Variants in PPP1R12A observed in about 807,000 individuals in gnomAD.
PPP1R12A encodes myosin binding subunit.
Under a neutral mutation model 139.6 loss-of-function variants are expected in PPP1R12A, and 19 were observed. The observed-to-expected ratio is 0.14, with a 90% CI of 0.09 to 0.20. The LOEUF is 0.20. Among genes scored for constraint, PPP1R12A ranks in the 10% least tolerant of loss-of-function variants. The probability of loss-of-function intolerance (pLI) is 1.00; values close to 1 mark genes in which losing one functional copy is unlikely to be tolerated. For synonymous variants in PPP1R12A, 427 were observed against 420.6 expected (o/e 1.02, Z -0.19); for missense variants, 925 against 1,211.5 (o/e 0.76, Z 3.51).
intron 1 of PPP1R12A, among the ~76,000 whole-genome samples, chr12:79,883,303 C>A (rs1184610211): frequency 2.6e-5 from 4 of 152,042 alleles, no homozygotes; most frequent in African/African-American, 7.2e-5. Context: ...TGCTACATTA[C>A]ATTTAATAGA....
rs544939340 is a variant in PPP1R12A at position 79,895,633 on chromosome 12, A to C, written c.238-22695T>G. ...AGAGAACAGACTGTATACATAAGAC[A>C]TAAAGGTATACCCCAAGCCTCTATT... On this transcript the variant is annotated intron_variant, in intron 1 of 24. Coordinates refer to ENST00000450142, the MANE Select transcript of PPP1R12A (RefSeq NM_002480.3). Among the ~76,000 whole-genome samples, 760 of 152,288 alleles carry C rather than the reference A, an allele frequency of 5.0e-3. 3 individuals carry two copies. Among genetic ancestry groups the C allele is most frequent in the Non-Finnish European group, 8.3e-3 (566 of 67,988 alleles).
chr12:79,781,648 A>C (rs2136973069), intron 23 of PPP1R12A, among the ~76,000 whole-genome samples, 167 bp downstream of exon 23: 1 of 152,154 alleles, frequency 6.6e-6, no homozygotes, highest in East Asian at 1.9e-4. Flanking sequence ...ACCTAGAGAA[A>C]CCCCATAGAA....
intron 4 of PPP1R12A, among the ~76,000 whole-genome samples, chr12:79,830,619 A>G (rs1877305493): frequency 6.6e-6 from 1 of 152,194 alleles, no homozygotes; most frequent in Admixed American, 6.5e-5. Context: ...CAGGATGTCA[A>G]ATGTTTTGAT....
chr12:79,797,837 G>C (rs1193562690), intron 15 of PPP1R12A, among the ~76,000 whole-genome samples: 4 of 152,108 alleles, frequency 2.6e-5, no homozygotes, highest in African/African-American at 9.7e-5. Flanking sequence ...AAAGTATAAA[G>C]ACAGAAAAAG....
chr12:79,921,031 T>C (rs924458207), intron 1 of PPP1R12A, among the ~76,000 whole-genome samples: 29 of 152,244 alleles, frequency 1.9e-4, no homozygotes, highest in Non-Finnish European at 4.3e-4. Flanking sequence ...AATGGCTAAT[T>C]TCATTTTACT....
At chr12:79,803,859 T>A (rs889795127) in intron 14 of PPP1R12A, among the ~76,000 whole-genome samples, 9 of 152,072 alleles carry the variant, frequency 5.9e-5, no homozygotes, top group Non-Finnish European at 1.3e-4. Context: ...TAAAACTAAT[T>A]AGGACTAATT....
intron 8 of PPP1R12A, among the ~76,000 whole-genome samples, chr12:79,818,400 C>T (rs769693170): frequency 6.6e-5 from 10 of 152,068 alleles, no homozygotes; most frequent in Non-Finnish European, 1.5e-4. Flanking sequence ...CGCTACCACA[C>T]CTACTAATTG....
intron 14 of PPP1R12A, among the ~76,000 whole-genome samples, chr12:79,800,823 T>A (rs1008496878): frequency 6.6e-5 from 10 of 150,928 alleles, no homozygotes; most frequent in African/African-American, 2.2e-4. Context: ...AAGCTTTGCC[T>A]CCTGGGTTCA....
chr12:79,928,934 T>C (rs946894197), intron 1 of PPP1R12A, among the ~76,000 whole-genome samples: 1 of 152,232 alleles, frequency 6.6e-6, no homozygotes, highest in Non-Finnish European at 1.5e-5. Flanking sequence ...TTTTGGAAAG[T>C]AAAAGAAAAA....
intron 1 of PPP1R12A, among the ~76,000 whole-genome samples, chr12:79,890,668 CA>C (rs1199788702): frequency 3.3e-5 from 5 of 152,066 alleles, no homozygotes; most frequent in African/African-American, 9.7e-5. Flanking sequence ...TAGTTACGGA[CA>C]ATCAACATTA....
chr12:79,917,208 C>T (rs566800213), intron 1 of PPP1R12A, among the ~76,000 whole-genome samples: 5 of 151,996 alleles, frequency 3.3e-5, no homozygotes, highest in African/African-American at 4.8e-5. Context: ...GAGTTTAGGC[C>T]GGGCACAGTG....
chr12:79,900,709 C>T lies in PPP1R12A; in HGVS notation c.238-27771G>A, dbSNP rs577046644. 5.9e-5 allele frequency among the ~76,000 whole-genome samples: 9 copies of T among 152,166 alleles called. No individual in the cohort carries two copies. In the South Asian group the frequency reaches 1.0e-3, roughly 18 times the overall value. On this transcript the variant is annotated intron_variant, in intron 1 of 24. Transcript: ENST00000450142. ...ACATGACTTTGGGGTGTATACACAA[C>T]GAATTTTAAGAGGAGAAGGCTCCTA...
At chr12:79,797,515 T>C (rs1344664328) in intron 15 of PPP1R12A, 120 bp from the exon 16 acceptor site, 2 of 1,012,626 alleles carry the variant, frequency 2.0e-6, no homozygotes, top group South Asian at 1.8e-5. Flanking sequence ...ATGTTTAAAA[T>C]TGGTTTGCAA....
At chr12:79,934,547 C>G (rs1272483718) in intron 1 of PPP1R12A, 148 bp downstream of exon 1, 4 of 737,586 alleles carry the variant, frequency 5.4e-6, no homozygotes, top group South Asian at 4.0e-5. Context: ...CTCTCCCTCC[C>G]GCCCTCTGGG....
intron 22 of PPP1R12A, chr12:79,782,135 G>A (rs992341559): frequency 1.6e-5 from 4 of 249,024 alleles, no homozygotes; most frequent in Admixed American, 5.3e-5. Context: ...GAGGGTGAGT[G>A]AGTATGTGGA....
chr12:79,850,992 T>G (rs1879978757), intron 2 of PPP1R12A, among the ~76,000 whole-genome samples: 1 of 152,224 alleles, frequency 6.6e-6, no homozygotes, highest in African/African-American at 2.4e-5. Flanking sequence ...TTACCCTGTC[T>G]CAGGTAGTTC....
intron 3 of PPP1R12A, among the ~76,000 whole-genome samples, chr12:79,834,774 T>C (rs1448169187): frequency 2.0e-5 from 3 of 152,296 alleles, no homozygotes; most frequent in African/African-American, 4.8e-5. Context: ...TCAAACTCAA[T>C]GCTAAAATCT....
At chr12:79,779,192 G>A in intron 23 of PPP1R12A, 1 of 699,946 alleles carries the variant, frequency 1.4e-6, no homozygotes, top group Non-Finnish European at 2.1e-6. Flanking sequence ...AGAGTGACAG[G>A]CAAAGCCAAC....
At chr12:79,861,036 C>T (rs1293751014) in intron 2 of PPP1R12A, among the ~76,000 whole-genome samples, 1 of 152,140 alleles carries the variant, frequency 6.6e-6, no homozygotes, top group Non-Finnish European at 1.5e-5. Context: ...GTGCTGATTT[C>T]GACCTGGAAA....
Sources: gnomAD v4.1 joint callset for allele counts (sites outside exome capture counted in the v4.1 genomes callset) on GRCh38, gnomAD v4.1.1 for gene constraint, MANE v1.5 for transcripts, NCBI Gene and HGNC (gene_info 2026-07-23, HGNC 2026-07-21) for gene names.